The following KCNIP4 variants were observed in gnomAD, a reference collection of about 807,000 sequenced individuals.
The protein encoded by KCNIP4 is Kv channel-interacting protein 4.
In KCNIP4, 12 loss-of-function variants were observed where a neutral mutation model predicts 34.0. The observed-to-expected ratio is 0.35, with a 90% CI of 0.23 to 0.57. The LOEUF is 0.57. Among genes scored for constraint, KCNIP4 ranks in the 20% least tolerant of loss-of-function variants. KCNIP4 has a pLI of 0.83. For synonymous variants in KCNIP4, 124 were observed against 102.2 expected, an observed-to-expected ratio of 1.21 and a Z score of -1.29; for missense variants, 238 against 311.7, an observed-to-expected ratio of 0.76 and a Z score of 1.78.
chr4:21,007,585 A>AGCCATC (rs1355919453), intron 1 of KCNIP4, among the ~76,000 whole-genome samples: 20 of 152,140 alleles, frequency 1.3e-4, no homozygotes, highest in African/African-American at 4.6e-4. Context: ...AGCCTCTGGT[A>AGCCATC]GCCATCTTTT....
intron 1 of KCNIP4, chr4:21,844,164 GAAGAA>G (rs1723860176): frequency 6.6e-6 from 1 of 151,966 alleles, no homozygotes. Flanking sequence ...CAGTATTTCA[GAAGAA>G]TTTAGGACAC....
chr4:21,065,766 A>ATATATATAT (rs1491138349), intron 1 of KCNIP4, among the ~76,000 whole-genome samples: 1 of 122,144 alleles, frequency 8.2e-6, no homozygotes, highest in Non-Finnish European at 1.7e-5. Context: ...ATATATATAT[A>ATATATATAT]ACTCAATTTT....
chr4:20,940,234 T>C (rs1243134274), intron 1 of KCNIP4, among the ~76,000 whole-genome samples: 1 of 152,226 alleles, frequency 6.6e-6, no homozygotes, highest in Non-Finnish European at 1.5e-5. Flanking sequence ...CCTTCCCTTC[T>C]TGCATTAGAT....
intron 1 of KCNIP4, among the ~76,000 whole-genome samples, chr4:21,584,418 C>T (rs1179792008): frequency 1.3e-5 from 2 of 151,962 alleles, no homozygotes; most frequent in Non-Finnish European, 2.9e-5. Flanking sequence ...AATTTGCATA[C>T]CATAACAGAA....
intron 1 of KCNIP4, among the ~76,000 whole-genome samples, chr4:21,291,188 C>A (rs970828433): frequency 1.3e-5 from 2 of 152,134 alleles, no homozygotes; most frequent in African/African-American, 4.8e-5. Context: ...AATATAAATT[C>A]ATCTCCCAGA....
intron 1 of KCNIP4, among the ~76,000 whole-genome samples, chr4:21,807,958 G>T (rs1235346924): frequency 6.6e-6 from 1 of 152,034 alleles, no homozygotes; most frequent in Non-Finnish European, 1.5e-5. Flanking sequence ...TAAAAGCTAG[G>T]TTTACATTGA....
chr4:21,765,553 G>A (rs897561143), intron 1 of KCNIP4, among the ~76,000 whole-genome samples: 3 of 152,048 alleles, frequency 2.0e-5, no homozygotes, highest in Admixed American at 2.0e-4. Flanking sequence ...GAGGGACATG[G>A]AATCAGGATG....
chr4:20,770,166 T>C (rs1323601167), intron 3 of KCNIP4, among the ~76,000 whole-genome samples: 1 of 152,214 alleles, frequency 6.6e-6, no homozygotes, highest in African/African-American at 2.4e-5. Context: ...CAACAGTCTT[T>C]TTTTTACAAT....
chr4:21,089,521 A>G (rs6832569), intron 1 of KCNIP4, among the ~76,000 whole-genome samples: 25,593 of 152,200 alleles, frequency 0.17, 2,236 homozygotes, highest in East Asian at 0.24. Flanking sequence ...CATCAATGGT[A>G]ACGTGTCATT....
chr4:21,241,153 G>T (rs1759784164), intron 1 of KCNIP4, among the ~76,000 whole-genome samples: 1 of 151,728 alleles, frequency 6.6e-6, no homozygotes, highest in Admixed American at 6.6e-5. Context: ...CAAAAAAAAA[G>T]GAAAAAGAAT....
chr4:20,858,032 A>AC, intron 2 of KCNIP4, among the ~76,000 whole-genome samples: 1 of 151,396 alleles, frequency 6.6e-6, no homozygotes, highest in South Asian at 2.1e-4. Context: ...ACATGGCAAA[A>AC]CCCCCCATCT....
intron 1 of KCNIP4, among the ~76,000 whole-genome samples, chr4:21,489,978 C>T (rs1297252311): frequency 6.6e-6 from 1 of 152,078 alleles, no homozygotes; most frequent in African/African-American, 2.4e-5. Flanking sequence ...TATTTCTGAG[C>T]AGTTAATTTA....
At position 21,328,530 on chromosome 4, in the gene KCNIP4, C is replaced by A. The variant is rs996154909; in HGVS notation, c.62-445821G>T. On this transcript the variant is annotated intron_variant, in intron 1 of 8. Transcript: ENST00000382152. ...TACTGAGTCAGACCCAAAGACAGTA[C>A]AGCACTGGTGCCTTATTTACTTTGC... Among the ~76,000 whole-genome samples the A allele has an allele frequency of 2.6e-5, 4 of 152,276 alleles. 1 individual carries two copies.
chr4:21,926,476 A>G (rs990121065), intron 1 of KCNIP4, among the ~76,000 whole-genome samples: 1 of 152,216 alleles, frequency 6.6e-6, no homozygotes, highest in African/African-American at 2.4e-5. Flanking sequence ...ATTGAGAAGA[A>G]TCCAACACTT....
At chr4:20,926,204 C>G (rs893119494) in intron 1 of KCNIP4, among the ~76,000 whole-genome samples, 1 of 152,208 alleles carries the variant, frequency 6.6e-6, no homozygotes, top group Non-Finnish European at 1.5e-5. Context: ...TTAGCTGTTT[C>G]AGGCCTGCTC....
intron 1 of KCNIP4, among the ~76,000 whole-genome samples, chr4:21,245,850 G>T (rs1760161593): frequency 6.6e-6 from 1 of 152,142 alleles, no homozygotes; most frequent in African/African-American, 2.4e-5. Flanking sequence ...GGTGTCATCT[G>T]CAAGTAGCAA....
chr4:21,641,799 T>C (rs777543212), intron 1 of KCNIP4, among the ~76,000 whole-genome samples: 2 of 152,182 alleles, frequency 1.3e-5, no homozygotes, highest in Admixed American at 6.6e-5. Context: ...ACGTAGGTTA[T>C]GCATTGGCTC....
Position 21,429,323 on chromosome 4 carries a change from A to AT in KCNIP4, c.61+519247dup, listed in dbSNP as rs144570578. Among the ~76,000 whole-genome samples, 533 of 151,002 alleles carry AT rather than the reference A, an allele frequency of 3.5e-3. 4 individuals carry two copies. The highest frequency in any genetic ancestry group is 0.012 in the African/African-American group (477 of 41,202). On this transcript the variant is annotated intron_variant, in intron 1 of 8. Transcript: ENST00000382152. Reference sequence around the variant, plus strand: ...ATTTCTTTTCATGACTTGATAACTCATTTTTTTTTAGCACTGAATAATATT... The same window carrying AT: ...ATTTCTTTTCATGACTTGATAACTCATTTTTTTTTTAGCACTGAATAATATT...
intron 1 of KCNIP4, among the ~76,000 whole-genome samples, chr4:21,152,365 TC>T (rs1752818599): frequency 6.6e-6 from 1 of 152,222 alleles, no homozygotes; most frequent in South Asian, 2.1e-4. Context: ...GTGTCTATAT[TC>T]ACTATCTCTA....
Sources: gnomAD v4.1 joint callset for allele counts (sites outside exome capture counted in the v4.1 genomes callset) on GRCh38, gnomAD v4.1.1 for gene constraint, MANE v1.5 for transcripts, NCBI Gene and HGNC (gene_info 2026-07-23, HGNC 2026-07-21) for gene names.